The following SMARCA4 variants were observed in gnomAD, a reference collection of about 807,000 sequenced individuals.
The protein encoded by SMARCA4 is SWI/SNF related BAF chromatin remodeling complex subunit ATPase 4, also known as SWI/SNF-related matrix-associated actin-dependent regulator of chromatin subfamily A member 4.
SMARCA4 carries 31 observed loss-of-function variants against 193.9 expected under a neutral mutation model. The observed-to-expected ratio is 0.16, with a 90% CI of 0.12 to 0.22. SMARCA4 has a LOEUF of 0.22. Ranked by LOEUF, SMARCA4 falls within the 10% of genes least tolerant of loss-of-function variation. The pLI is 1.00. For synonymous variants in SMARCA4, 942 were observed against 933.1 expected (o/e 1.01, Z -0.17); for missense variants, 1,148 against 2,296.0 (o/e 0.50, Z 10.22).
At chr19:10,994,318 GTTTTTTTT>G (rs1006312137) in intron 8 of SMARCA4, among the ~76,000 whole-genome samples, 1 of 98,908 alleles carries the variant, frequency 1.0e-5, no homozygotes, top group South Asian at 3.2e-4. Flanking sequence ...GATATTCTAG[GTTTTTTTT>G]TTTTTTTTTT....
intron 29 of SMARCA4, among the ~76,000 whole-genome samples, chr19:11,038,358 G>T (rs1166165833): frequency 6.6e-6 from 1 of 152,112 alleles, no homozygotes; most frequent in African/African-American, 2.4e-5. Flanking sequence ...TGCAAAGAAG[G>T]TCCCATTCCG....
At chr19:11,046,166 T>G (rs1481262421) in intron 30 of SMARCA4, among the ~76,000 whole-genome samples, 1 of 149,076 alleles carries the variant, frequency 6.7e-6, no homozygotes, top group African/African-American at 2.5e-5. Context: ...GAGCTTGCAG[T>G]GAGCCGAGAT....
At position 11,039,561 on chromosome 19, in the gene SMARCA4, G is replaced by C; in HGVS notation, c.4171-1746G>C. On this transcript the variant is annotated intron_variant, in intron 29 of 34. Coordinates refer to ENST00000344626, the MANE Select transcript of SMARCA4 (RefSeq NM_003072.5). ...TGCACACGTGCGTCAAAGGTGGGGAGAGTTCTGGTGGTGGGTGGCGCTGAG... is the reference window on the plus strand; with the variant it reads ...TGCACACGTGCGTCAAAGGTGGGGACAGTTCTGGTGGTGGGTGGCGCTGAG... The C allele has an allele frequency of 2.5e-6, 4 of 1,577,888 alleles. No homozygotes were observed. Among genetic ancestry groups the C allele is most frequent in the Non-Finnish European group, 3.4e-6 (4 of 1,159,968 alleles).
At chr19:11,009,007 CTTTTTTTTTTTTTTTTTTTTT>C (rs762148337) in intron 14 of SMARCA4, among the ~76,000 whole-genome samples, 4 of 40,948 alleles carry the variant, frequency 9.8e-5, no homozygotes, top group Non-Finnish European at 1.2e-4. Flanking sequence ...ATAAAAGTCA[CTTTTTTTTTTTTTTTTTTTTT>C]TTTTTTTTTT....
At chr19:11,061,204 A>AAAAAAATATAT (rs1555797070) in intron 34 of SMARCA4, among the ~76,000 whole-genome samples, 2 of 45,220 alleles carry the variant, frequency 4.4e-5, no homozygotes, top group African/African-American at 2.3e-4. Context: ...AAAAAAAAAA[A>AAAAAAATATAT]ATATATATAT....
chr19:10,986,531 G>A lies in SMARCA4; in HGVS notation c.698G>A (p.Gly233Asp), dbSNP rs878854238. ...GTGTCCGCAACAGGACCCGGCCCTGGCCCTGGCCCTGGCCCCGGCCCGGGT... is the reference window on the plus strand; with the variant it reads ...GTGTCCGCAACAGGACCCGGCCCTGACCCTGGCCCTGGCCCCGGCCCGGGT... ...PSVSATGPGP[G>D]PGPGPGPGPG... The change falls in exon 4 of 35, where the codon GGC becomes GAC. Residue 233 changes from glycine to aspartate, a missense_variant. Around this residue, in one of 17 missense-constraint regions of SMARCA4, gnomAD observed 257 missense variants for 276.5 expected, o/e 0.93. Coordinates refer to ENST00000344626, the MANE Select transcript of SMARCA4 (RefSeq NM_003072.5). This position sits in a 1 kb window ranked among gnomAD's most constrained non-coding sequence, Gnocchi z 6.7. 1 of 1,541,504 alleles carries A rather than the reference G, an allele frequency of 6.5e-7. No homozygotes were observed. The highest frequency in any genetic ancestry group is 8.7e-7 in the Non-Finnish European group (1 of 1,146,602).
rs982294957 is a variant in SMARCA4, at chr19:11,030,991, A to C, written c.3546+98A>C. On this transcript the variant is annotated intron_variant, in intron 25 of 34. Transcript: ENST00000344626. The surrounding 1 kb of genome is among the most constrained non-coding windows in gnomAD (Gnocchi z 5.5). ...GCTTGAGGGTCCTCCAGCCTCCTCC[A>C]CATTGTCTTGGACCCCAGGAGCCGG... is the stretch of plus-strand genomic sequence containing the variant. 4.3e-6 allele frequency: 5 copies of C among 1,167,338 alleles called. No individual in the cohort carries two copies. The African/African-American group carries it at 6.1e-5, about 14-fold the overall frequency. 72.3% of individuals were successfully genotyped at this position (1,167,338 alleles called of 1,614,324 possible). A position where few individuals can be genotyped will look rare whatever the true frequency, so the allele number is the denominator to read the frequency against.
intron 1 of SMARCA4, among the ~76,000 whole-genome samples, chr19:10,973,010 G>A (rs564631929): frequency 6.6e-6 from 1 of 152,116 alleles, no homozygotes; most frequent in Non-Finnish European, 1.5e-5. Flanking sequence ...TTGGGAGGCC[G>A]GGGCAGGAGA....
chr19:11,059,666 A>T, intron 32 of SMARCA4, 87 bp from the exon 33 acceptor site: 4 of 1,461,236 alleles, frequency 2.7e-6, no homozygotes, highest in Non-Finnish European at 3.7e-6. Context: ...GGGGCAACAC[A>T]GGGCTGGGGC....
At chr19:11,059,967 G>T (rs541155304) in intron 33 of SMARCA4, 78 bp from the exon 34 acceptor site, 1 of 1,612,516 alleles carries the variant, frequency 6.2e-7, no homozygotes, top group South Asian at 1.1e-5. Context: ...CAGCCCTCCC[G>T]GCTCCCAGAC....
rs528792204 is a variant in SMARCA4 at position 10,995,175 on chromosome 19, C to T, written c.1593+174C>T. ...AGTCAGTCCTGGGCTCGGATATTTG[C>T]TGATCTCTCTGATCATCAGAATGAC... On this transcript the variant is annotated intron_variant, in intron 9 of 34. Coordinates refer to ENST00000344626, the MANE Select transcript of SMARCA4 (RefSeq NM_003072.5). 2.4e-5 allele frequency: 17 copies of T among 698,896 alleles called. 2 individuals carry two copies. Among genetic ancestry groups the T allele is most frequent in the South Asian group, 2.4e-4 (16 of 66,736 alleles). 43.3% of individuals were successfully genotyped at this position (698,896 alleles called of 1,614,324 possible). A position where few individuals can be genotyped will look rare whatever the true frequency, so the allele number is the denominator to read the frequency against.
chr19:11,004,692 A>G (rs2146133015), intron 13 of SMARCA4, among the ~76,000 whole-genome samples: 1 of 152,200 alleles, frequency 6.6e-6, no homozygotes, highest in East Asian at 1.9e-4. Flanking sequence ...CTGCTTTTTG[A>G]CTGAGTTTTT....
At chr19:11,012,756 A>T in intron 15 of SMARCA4, 193 bp from the exon 16 acceptor site, 1 of 648,938 alleles carries the variant, frequency 1.5e-6, no homozygotes, top group Non-Finnish European at 2.8e-6. Context: ...CACAGACGTT[A>T]TTGCTAAGGA....
At chr19:10,980,380 G>A (rs918718472) in intron 1 of SMARCA4, among the ~76,000 whole-genome samples, 9 of 152,084 alleles carry the variant, frequency 5.9e-5, no homozygotes, top group South Asian at 2.1e-4. Context: ...CTGTTTTTCC[G>A]TTGACAAAGT....
intron 21 of SMARCA4, 118 bp from the exon 22 acceptor site, chr19:11,025,304 C>T: frequency 1.4e-6 from 1 of 723,888 alleles, no homozygotes; most frequent in South Asian, 1.5e-5. Context: ...GTGCCAAAAG[C>T]CACTCTTCCC....
intron 30 of SMARCA4, among the ~76,000 whole-genome samples, chr19:11,044,587 T>A (rs1438603466): frequency 6.6e-6 from 1 of 152,116 alleles, no homozygotes; most frequent in Non-Finnish European, 1.5e-5. Flanking sequence ...AAAACCAGAG[T>A]GACTTGCACC....
rs955320715 is a variant in SMARCA4 at position 10,980,401 on chromosome 19, T to C, written c.-31-3720T>C. On this transcript the variant is annotated intron_variant, in intron 1 of 34. Transcript: ENST00000344626. ...TTCCGTTGACAAAGTTAGCGCTGCT[T>C]TGAGTTGGAGCCGTTCCTGGAGGCT... Among the ~76,000 whole-genome samples, 5 of 152,200 alleles carry C rather than the reference T, an allele frequency of 3.3e-5. No homozygotes were observed. In the South Asian group the frequency reaches 8.3e-4, roughly 25 times the overall value.
chr19:10,997,356 G>A (rs576781812), intron 11 of SMARCA4, among the ~76,000 whole-genome samples: 6 of 151,858 alleles, frequency 4.0e-5, no homozygotes, highest in Admixed American at 2.0e-4. Context: ...CTGCTACCAC[G>A]CCCGGCTAAT....
chr19:11,016,455 T>C (rs2089372308), intron 16 of SMARCA4, among the ~76,000 whole-genome samples: 1 of 152,238 alleles, frequency 6.6e-6, no homozygotes, highest in African/African-American at 2.4e-5. Flanking sequence ...GGTTACCTGT[T>C]TCTGTCCGCT....
Sources: gnomAD v4.1 joint callset for allele counts (sites outside exome capture counted in the v4.1 genomes callset) on GRCh38, gnomAD v4.1.1 for gene constraint, gnomAD v4.1.1 regional missense constraint, Gnocchi (gnomAD v3.1) non-coding constraint, MANE v1.5 for transcripts, NCBI Gene and HGNC (gene_info 2026-07-23, HGNC 2026-07-21) for gene names.